The following CAST variants were observed in gnomAD, a reference collection of about 807,000 sequenced individuals.
CAST encodes calpastatin.
In CAST, 76 loss-of-function variants were observed where a neutral mutation model predicts 119.6. The observed-to-expected ratio is 0.64, with a 90% CI of 0.53 to 0.77. The LOEUF (loss-of-function observed/expected upper bound fraction) is 0.77. CAST is among the 30% of genes least tolerant of loss of function. CAST has a pLI of 0.00. For missense variants in CAST, 953 were observed against 946.5 expected (o/e 1.01, Z -0.09); for synonymous variants, 319 against 331.6 (o/e 0.96, Z 0.41).
the CAST span, among the ~76,000 whole-genome samples, chr5:96,102,899 A>T: frequency 6.6e-6 from 1 of 152,158 alleles, no homozygotes; most frequent in Non-Finnish European, 1.5e-5. Flanking sequence ...GGGAGGCTTA[A>T]TGAGAGGCTG....
chr5:95,984,792 G>A, the CAST span, among the ~76,000 whole-genome samples: 1 of 152,154 alleles, frequency 6.6e-6, no homozygotes, highest in Non-Finnish European at 1.5e-5. Context: ...TGGCTAGTTT[G>A]AATCAAGATG....
At chr5:96,358,521 G>T in the CAST span, among the ~76,000 whole-genome samples, 1 of 152,050 alleles carries the variant, frequency 6.6e-6, no homozygotes, top group African/African-American at 2.4e-5. Flanking sequence ...AGAGATTCTG[G>T]TACGTTGTGT....
the CAST span, among the ~76,000 whole-genome samples, chr5:96,037,602 T>C: frequency 6.6e-6 from 1 of 152,318 alleles, no homozygotes; most frequent in Admixed American, 6.5e-5. Context: ...ATATGTTTAA[T>C]AAAACTTGTG....
At chr5:96,234,898 T>C in the CAST span, among the ~76,000 whole-genome samples, 1 of 152,190 alleles carries the variant, frequency 6.6e-6, no homozygotes, top group Admixed American at 6.6e-5. Context: ...GTAGAAAGTA[T>C]GCATTTTGGT....
At chr5:96,667,887 C>T (rs1354881378) in intron 1 of CAST, among the ~76,000 whole-genome samples, 1 of 152,122 alleles carries the variant, frequency 6.6e-6, no homozygotes, top group Admixed American at 6.5e-5. Flanking sequence ...TGGTGGCAGG[C>T]GCCTGTAATT....
chr5:96,207,371 T>C, the CAST span, among the ~76,000 whole-genome samples: 1 of 152,098 alleles, frequency 6.6e-6, no homozygotes, highest in Non-Finnish European at 1.5e-5. Context: ...GGCATCTTTG[T>C]CTTGTTCTGT....
At position 96,754,063 on chromosome 5, in the gene CAST, G is replaced by C. The variant is rs1464701479; in HGVS notation, c.1528G>C (p.Gly510Arg). Residue 510 changes from glycine (G) to arginine (R), a missense_variant, in exon 21 of 32, where the codon GGC becomes CGC. Coordinates refer to ENST00000675179, the MANE Select transcript of CAST (RefSeq NM_001750.7). Reference sequence around the variant, plus strand: ...ATATCCACTAATGCACTTTCAGAAGGGCACAGTGCCAGATGATGCTGTAGA... The same window carrying C: ...ATATCCACTAATGCACTTTCAGAAGCGCACAGTGCCAGATGATGCTGTAGA... ...SAPPEPATLK[G>R]TVPDDAVEAL... 1 of 1,605,344 alleles carries C rather than the reference G, an allele frequency of 6.2e-7. No homozygotes were observed. Among genetic ancestry groups the C allele is most frequent in the South Asian group, 1.1e-5 (1 of 90,900 alleles).
chr5:96,187,024 A>G, the CAST span, among the ~76,000 whole-genome samples: 1 of 152,192 alleles, frequency 6.6e-6, no homozygotes. Flanking sequence ...CCTCAATTTC[A>G]GAACTCGTTA....
At chr5:96,754,615 GA>G in intron 21 of CAST, 42 bp from the exon 22 acceptor site, 3 of 1,210,992 alleles carry the variant, frequency 2.5e-6, no homozygotes, top group Non-Finnish European at 3.6e-6. Flanking sequence ...TTTATGGAGA[GA>G]AAAAAACATG....
At chr5:96,142,011 G>A in the CAST span, among the ~76,000 whole-genome samples, 8 of 152,200 alleles carry the variant, frequency 5.3e-5, no homozygotes, top group Non-Finnish European at 1.2e-4. Flanking sequence ...TTCCATAAAT[G>A]CCCATGCTTA....
At chr5:96,423,767 A>T in the CAST span, among the ~76,000 whole-genome samples, 2 of 152,166 alleles carry the variant, frequency 1.3e-5, no homozygotes, top group Non-Finnish European at 2.9e-5. Context: ...TTATAATAAC[A>T]TGCTCAACCC....
intron 1 of CAST, among the ~76,000 whole-genome samples, chr5:96,553,641 A>G (rs1000780981): frequency 1.4e-4 from 22 of 152,226 alleles, no homozygotes; most frequent in African/African-American, 5.3e-4. Context: ...ACATGATTGT[A>G]TATTTAGAAA....
chr5:96,715,606 T>C (rs1757058021), intron 3 of CAST, among the ~76,000 whole-genome samples: 1 of 152,230 alleles, frequency 6.6e-6, no homozygotes, highest in African/African-American at 2.4e-5. Context: ...ATGAGATACA[T>C]AGAGCACCTG....
chr5:96,324,930 C>A, the CAST span, among the ~76,000 whole-genome samples: 1 of 152,110 alleles, frequency 6.6e-6, no homozygotes, highest in Non-Finnish European at 1.5e-5. Context: ...GGTTGCCAGG[C>A]ACAGTGACTC....
At chr5:96,348,640 C>G in the CAST span, among the ~76,000 whole-genome samples, 1 of 151,982 alleles carries the variant, frequency 6.6e-6, no homozygotes, top group Non-Finnish European at 1.5e-5. Flanking sequence ...GCTAAGAGTT[C>G]ATGGGTTGGA....
At chr5:96,133,643 T>C in the CAST span, among the ~76,000 whole-genome samples, 1 of 152,224 alleles carries the variant, frequency 6.6e-6, no homozygotes, top group Non-Finnish European at 1.5e-5. Flanking sequence ...AATAAGGCTA[T>C]AATAAAATCT....
intron 1 of CAST, among the ~76,000 whole-genome samples, chr5:96,607,893 T>C (rs1229831142): frequency 1.3e-5 from 2 of 152,206 alleles, no homozygotes; most frequent in African/African-American, 4.8e-5. Flanking sequence ...AGTATACATT[T>C]TGTAATGATC....
chr5:96,298,901 T>C, the CAST span, among the ~76,000 whole-genome samples: 1 of 151,454 alleles, frequency 6.6e-6, no homozygotes, highest in Non-Finnish European at 1.5e-5. Context: ...TGTGTGTGCC[T>C]TAAAAATTAA....
At chr5:96,052,022 C>T in the CAST span, among the ~76,000 whole-genome samples, 1 of 151,920 alleles carries the variant, frequency 6.6e-6, no homozygotes. Context: ...CATGAGGGGG[C>T]GAGGGATAGA....
Sources: allele counts gnomAD v4.1 joint callset (sites outside exome capture counted in the v4.1 genomes callset), GRCh38; gene constraint gnomAD v4.1.1; transcripts MANE v1.5; gene names NCBI Gene and HGNC (gene_info 2026-07-23, HGNC 2026-07-21).